KHDRBS2: variants seen among roughly 807,000 people sequenced by gnomAD.
KHDRBS2 encodes KH RNA binding domain containing, signal transduction associated 2.
A neutral mutation model predicts 44.3 loss-of-function variants in KHDRBS2; 26 were observed. That is an observed-to-expected ratio of 0.59 (90% CI 0.43 to 0.81). The LOEUF (loss-of-function observed/expected upper bound fraction) is 0.81. KHDRBS2 is among the 40% of genes least tolerant of loss of function. The probability of loss-of-function intolerance (pLI) is 0.00; values close to 1 mark genes in which losing one functional copy is unlikely to be tolerated. For missense variants in KHDRBS2, 476 were observed against 433.1 expected (o/e 1.10, Z -0.88); for synonymous variants, 194 against 151.1 (o/e 1.28, Z -2.08).
At chr6:61,571,778 C>T in the KHDRBS2 span, among the ~76,000 whole-genome samples, 89,832 of 151,864 alleles carry the variant, frequency 0.59, 26,772 homozygotes, top group Non-Finnish European at 0.61. Flanking sequence ...AATATACAAA[C>T]ACATGCAAAA....
chr6:61,782,724 T>C (rs1050553678), intron 6 of KHDRBS2, among the ~76,000 whole-genome samples: 1 of 101,232 alleles, frequency 9.9e-6, no homozygotes, highest in African/African-American at 4.7e-5. Flanking sequence ...TATATATATA[T>C]ATATATATAT....
chr6:62,236,796 G>A (rs1833778264), intron 1 of KHDRBS2, among the ~76,000 whole-genome samples: 1 of 152,082 alleles, frequency 6.6e-6, no homozygotes, highest in African/African-American at 2.4e-5. Context: ...AACATGGCAT[G>A]ATGCTAAACA....
chr6:61,971,012 A>G (rs541907978), intron 4 of KHDRBS2, among the ~76,000 whole-genome samples: 1 of 152,278 alleles, frequency 6.6e-6, no homozygotes, highest in African/African-American at 2.4e-5. Flanking sequence ...TTATAGAAGA[A>G]GGAGTAGAAA....
chr6:61,732,835 A>G (rs1056095747), intron 6 of KHDRBS2, 71 bp from the exon 7 acceptor site: 2 of 807,018 alleles, frequency 2.5e-6, no homozygotes, highest in African/African-American at 3.4e-5. Context: ...CAGTTAGCAC[A>G]ATTTTATACA....
At chr6:61,987,251 G>A (rs1291412707) in intron 3 of KHDRBS2, among the ~76,000 whole-genome samples, 3 of 152,054 alleles carry the variant, frequency 2.0e-5, no homozygotes, top group Non-Finnish European at 4.4e-5. Flanking sequence ...CAGTATTATA[G>A]GAAGTATCTT....
At chr6:61,929,915 AC>A (rs1656102480) in intron 4 of KHDRBS2, among the ~76,000 whole-genome samples, 2 of 151,958 alleles carry the variant, frequency 1.3e-5, no homozygotes, top group South Asian at 4.2e-4. Context: ...TTATTTCTTA[AC>A]CTCCCTCCTT....
intron 6 of KHDRBS2, among the ~76,000 whole-genome samples, chr6:61,739,190 C>T (rs1775808825): frequency 6.6e-6 from 1 of 151,776 alleles, no homozygotes; most frequent in East Asian, 1.9e-4. Flanking sequence ...TTTATAATTG[C>T]ATTGCCACAA....
chr6:61,721,464 G>A (rs1354921114), intron 7 of KHDRBS2, among the ~76,000 whole-genome samples: 1 of 147,490 alleles, frequency 6.8e-6, no homozygotes, highest in Non-Finnish European at 1.5e-5. Context: ...TTGAGCAGTG[G>A]TTTGTAGTTC....
chr6:62,085,842 A>G (rs1236049415), intron 2 of KHDRBS2, among the ~76,000 whole-genome samples: 1 of 152,166 alleles, frequency 6.6e-6, no homozygotes, highest in Non-Finnish European at 1.5e-5. Flanking sequence ...AAAGACAGTG[A>G]TGGGAGGGAA....
intron 8 of KHDRBS2, 34 bp downstream of exon 8, chr6:61,697,161 C>T (rs79669053): frequency 1.3e-5 from 18 of 1,373,810 alleles, no homozygotes; most frequent in Admixed American, 8.4e-5. Context: ...ATGGATGTTC[C>T]GATTTCACAG....
At chr6:61,817,458 A>T (rs562403160) in intron 6 of KHDRBS2, among the ~76,000 whole-genome samples, 1 of 152,254 alleles carries the variant, frequency 6.6e-6, no homozygotes, top group South Asian at 2.1e-4. Context: ...TGTGCTACAT[A>T]TCCAATGGTA....
the KHDRBS2 span, among the ~76,000 whole-genome samples, chr6:61,560,575 T>G: frequency 2.0e-5 from 3 of 152,212 alleles, no homozygotes; most frequent in Non-Finnish European, 4.4e-5. Context: ...TTCTTCTTTT[T>G]AATTCATTCT....
intron 1 of KHDRBS2, among the ~76,000 whole-genome samples, chr6:62,193,556 C>A (rs1201889218): frequency 6.6e-6 from 1 of 152,062 alleles, no homozygotes; most frequent in Non-Finnish European, 1.5e-5. Flanking sequence ...CATCCTTTCC[C>A]TTTAAACATG....
intron 7 of KHDRBS2, among the ~76,000 whole-genome samples, chr6:61,728,373 C>A (rs1773915424): frequency 6.6e-6 from 1 of 151,928 alleles, no homozygotes. Flanking sequence ...ATAATCTGTG[C>A]AGCAAACCAG....
intron 7 of KHDRBS2, among the ~76,000 whole-genome samples, chr6:61,726,666 T>A (rs1773621329): frequency 6.6e-6 from 1 of 152,056 alleles, no homozygotes; most frequent in African/African-American, 2.4e-5. Flanking sequence ...TAAACTCCCA[T>A]TGATCACTGC....
chr6:62,160,144 T>C (rs879881152), intron 2 of KHDRBS2, among the ~76,000 whole-genome samples: 5 of 152,058 alleles, frequency 3.3e-5, no homozygotes, highest in Non-Finnish European at 7.4e-5. Context: ...GAGGAGACCA[T>C]AATATAACAA....
At chr6:62,188,886 G>C in intron 1 of KHDRBS2, among the ~76,000 whole-genome samples, 1 of 152,134 alleles carries the variant, frequency 6.6e-6, no homozygotes, top group Middle Eastern at 3.2e-3. Flanking sequence ...GGCAGAGGCA[G>C]GTGGATCACT....
the KHDRBS2 span, among the ~76,000 whole-genome samples, chr6:61,656,249 C>A: frequency 6.6e-6 from 1 of 152,106 alleles, no homozygotes; most frequent in South Asian, 2.1e-4. Flanking sequence ...CATATAGCCT[C>A]ATCTCTTGTT....
chr6:62,053,506 T>C (rs1789555512), intron 2 of KHDRBS2, among the ~76,000 whole-genome samples: 1 of 152,012 alleles, frequency 6.6e-6, no homozygotes, highest in African/African-American at 2.4e-5. Flanking sequence ...AATTTACCCA[T>C]TAACAAATTA....
Sources: gnomAD v4.1 joint callset for allele counts (sites outside exome capture counted in the v4.1 genomes callset) on GRCh38, gnomAD v4.1.1 for gene constraint, MANE v1.5 for transcripts, NCBI Gene and HGNC (gene_info 2026-07-23, HGNC 2026-07-21) for gene names.